SAMD8: variants seen among roughly 807,000 people sequenced by gnomAD.
The protein encoded by SAMD8 is sterile alpha motif domain containing 8, also known as sphingomyelin synthase-related protein 1.
In SAMD8, 20 loss-of-function variants were observed where a neutral mutation model predicts 42.0. The ratio of observed to expected loss-of-function variants is 0.48; its 90% CI spans 0.34 to 0.69. The LOEUF is 0.69. SAMD8 is among the 30% of genes least tolerant of loss of function. The pLI is 0.01. For synonymous variants in SAMD8, 162 were observed against 173.0 expected (o/e 0.94, Z 0.50); for missense variants, 328 against 511.6 (o/e 0.64, Z 3.46).
intron 1 of SAMD8, among the ~76,000 whole-genome samples, chr10:75,147,149 A>G (rs1296852751): frequency 3.3e-5 from 5 of 152,300 alleles, no homozygotes; most frequent in Non-Finnish European, 5.9e-5. Flanking sequence ...GTGGAAAAAA[A>G]CATATAAAAG....
chr10:75,142,105 G>A (rs1166051950), intron 1 of SAMD8, among the ~76,000 whole-genome samples: 2 of 151,912 alleles, frequency 1.3e-5, no homozygotes, highest in African/African-American at 4.8e-5. Context: ...CCACCACCAT[G>A]CCTGGCTAAT....
chr10:75,144,147 T>TA (rs1191530480), intron 1 of SAMD8, among the ~76,000 whole-genome samples: 1 of 151,960 alleles, frequency 6.6e-6, no homozygotes, highest in African/African-American at 2.4e-5. Context: ...TTTTCTATTT[T>TA]TAGTGGAGAT....
intron 1 of SAMD8, among the ~76,000 whole-genome samples, chr10:75,124,520 G>A (rs1849082961): frequency 6.6e-6 from 1 of 151,780 alleles, no homozygotes; most frequent in Non-Finnish European, 1.5e-5. Context: ...GGCTGAGGTG[G>A]GAGAATTGCT....
chr10:75,146,226 T>A (rs981297618), intron 1 of SAMD8, among the ~76,000 whole-genome samples: 1 of 151,876 alleles, frequency 6.6e-6, no homozygotes, highest in African/African-American at 2.4e-5. Context: ...TCACCTTATT[T>A]GTTTCCTGGC....
intron 1 of SAMD8, among the ~76,000 whole-genome samples, chr10:75,139,808 G>A (rs1267299954): frequency 6.6e-6 from 1 of 152,174 alleles, no homozygotes; most frequent in Non-Finnish European, 1.5e-5. Flanking sequence ...CCCCGACCTA[G>A]AGAAATGGAG....
intron 3 of SAMD8, 111 bp downstream of exon 3, chr10:75,164,851 T>C: frequency 1.3e-6 from 1 of 780,138 alleles, no homozygotes; most frequent in Middle Eastern, 2.4e-4. Context: ...TCTCTGGTCA[T>C]TGTGACATAG....
upstream of SAMD8, chr10:75,108,139 C>T: frequency 6.2e-7 from 1 of 1,613,388 alleles, no homozygotes; most frequent in East Asian, 2.2e-5. Context: ...CAGTAGAGGC[C>T]CTTGTGGGCG....
At chr10:75,136,271 T>C (rs942105588) in intron 1 of SAMD8, among the ~76,000 whole-genome samples, 1 of 152,220 alleles carries the variant, frequency 6.6e-6, no homozygotes, top group Admixed American at 6.6e-5. Context: ...CTTTTTCCCC[T>C]GTCACTAAGT....
chr10:75,115,542 A>G (rs2134416449), intron 1 of SAMD8, among the ~76,000 whole-genome samples: 1 of 152,316 alleles, frequency 6.6e-6, no homozygotes, highest in Non-Finnish European at 1.5e-5. Context: ...CCTCCCATAC[A>G]CACAGTACCA....
intron 1 of SAMD8, among the ~76,000 whole-genome samples, chr10:75,148,109 A>C (rs940784864): frequency 6.6e-6 from 1 of 152,270 alleles, no homozygotes; most frequent in Non-Finnish European, 1.5e-5. Flanking sequence ...AATATGACTT[A>C]AGTCTTCCAA....
At chr10:75,155,016 C>T (rs538345906) in intron 2 of SAMD8, among the ~76,000 whole-genome samples, 78 of 152,138 alleles carry the variant, frequency 5.1e-4, no homozygotes, top group African/African-American at 1.8e-3. Context: ...CTTAGCCTCC[C>T]GAGTCACTAC....
At chr10:75,135,449 A>G (rs1268447977) in intron 1 of SAMD8, among the ~76,000 whole-genome samples, 2 of 125,680 alleles carry the variant, frequency 1.6e-5, no homozygotes, top group African/African-American at 3.3e-5. Flanking sequence ...GCGAAATTCC[A>G]TCTCAAAAAA....
At chr10:75,133,621 T>G (rs1849322159) in intron 1 of SAMD8, among the ~76,000 whole-genome samples, 1 of 152,108 alleles carries the variant, frequency 6.6e-6, no homozygotes. Flanking sequence ...ATATTCATAT[T>G]CAGCCACAAA....
intron 4 of SAMD8, among the ~76,000 whole-genome samples, chr10:75,170,781 T>G (rs1468013094): frequency 1.4e-5 from 2 of 147,344 alleles, no homozygotes; most frequent in South Asian, 2.2e-4. Flanking sequence ...TTTTTTTTTT[T>G]TTTTTTTTTT....
At chr10:75,100,860 C>T (rs1025925790) in intron 1 of SAMD8, among the ~76,000 whole-genome samples, 6 of 152,272 alleles carry the variant, frequency 3.9e-5, no homozygotes, top group Admixed American at 6.5e-5. Context: ...TGTGCCTTTG[C>T]AGCCTCCCAT....
chr10:75,135,223 C>T (rs10824282), intron 1 of SAMD8, among the ~76,000 whole-genome samples: 37,633 of 151,562 alleles, frequency 0.25, 5,113 homozygotes, highest in East Asian at 0.58. Flanking sequence ...GAGGCCGAGG[C>T]GGGCTGATCA....
At chr10:75,169,487 CAAAGAAAGAAAG>C (rs146643164) in intron 4 of SAMD8, among the ~76,000 whole-genome samples, 13 of 150,790 alleles carry the variant, frequency 8.6e-5, no homozygotes, top group Admixed American at 6.6e-4. Context: ...GTCTCAAAAA[CAAAGAAAGAAAG>C]AAAGAAAGAA....
intron 2 of SAMD8, among the ~76,000 whole-genome samples, chr10:75,163,944 C>G (rs1421291313): frequency 6.6e-6 from 1 of 152,128 alleles, no homozygotes; most frequent in Admixed American, 6.6e-5. Context: ...AGGGGCCAGG[C>G]GCTGTGGCTC....
intron 1 of SAMD8, among the ~76,000 whole-genome samples, chr10:75,142,604 T>G (rs1430505341): frequency 6.6e-6 from 1 of 152,042 alleles, no homozygotes; most frequent in Non-Finnish European, 1.5e-5. Flanking sequence ...GCCCAGCTAA[T>G]TTTTGTATTT....
Sources: gnomAD v4.1 joint callset for allele counts (sites outside exome capture counted in the v4.1 genomes callset) on GRCh38, gnomAD v4.1.1 for gene constraint, MANE v1.5 for transcripts, NCBI Gene and HGNC (gene_info 2026-07-23, HGNC 2026-07-21) for gene names.